The following CSMD3 variants were observed in gnomAD, a reference collection of about 807,000 sequenced individuals.
CSMD3 encodes the protein CUB and Sushi multiple domains 3, also known as CUB and sushi domain-containing protein 3.
A neutral mutation model predicts 435.2 loss-of-function variants in CSMD3; 177 were observed. That is an observed-to-expected ratio of 0.41 (90% CI 0.36 to 0.46). The LOEUF (loss-of-function observed/expected upper bound fraction) is 0.46, where lower values mean the gene tolerates loss of function less well. Among genes scored for constraint, CSMD3 ranks in the 20% least tolerant of loss-of-function variants. The pLI is 0.34. For missense variants in CSMD3, 4,265 were observed against 4,504.6 expected (o/e 0.95, Z 1.52); for synonymous variants, 1,656 against 1,520.5 (o/e 1.09, Z -2.07).
rs2130159963 is a variant in CSMD3 at position 113,436,870 on chromosome 8, C to G, written c.-16G>C. ...TCCCTTTCATATTATTCGCGAGCTC[C>G]TAATTCCTGCTCCTCAGCCCGGCGC... is the stretch of plus-strand genomic sequence containing the variant. On this transcript the variant is annotated 5_prime_UTR_variant, in exon 1 of 71. Coordinates refer to ENST00000297405, the MANE Select transcript of CSMD3 (RefSeq NM_198123.2). 6.2e-7 allele frequency: 1 copy of G among 1,613,530 alleles called. No homozygotes were observed. The highest frequency in any genetic ancestry group is 8.5e-7 in the Non-Finnish European group (1 of 1,180,008).
intron 13 of CSMD3, among the ~76,000 whole-genome samples, chr8:112,748,662 A>C (rs2077496091): frequency 6.6e-6 from 1 of 152,176 alleles, no homozygotes; most frequent in Non-Finnish European, 1.5e-5. Flanking sequence ...TTCACACAAA[A>C]TATATGATGC....
intron 4 of CSMD3, among the ~76,000 whole-genome samples, chr8:113,147,797 C>A (rs907723156): frequency 2.6e-5 from 4 of 151,650 alleles, no homozygotes; most frequent in Non-Finnish European, 5.9e-5. Flanking sequence ...CTTGATAAGG[C>A]CTTACCATTC....
chr8:112,235,078 C>T lies in CSMD3; in HGVS notation c.10628-601G>A, dbSNP rs1354937009. ...AAGGAATAGTTATCAAGGAAAAGCACTGGAGGGCCAAGCATGGTGGCTCAT... is the reference window on the plus strand; with the variant it reads ...AAGGAATAGTTATCAAGGAAAAGCATTGGAGGGCCAAGCATGGTGGCTCAT... On this transcript the variant is annotated intron_variant, in intron 67 of 70. Transcript: ENST00000297405. Among the ~76,000 whole-genome samples the T allele has an allele frequency of 2.0e-5, 3 of 152,190 alleles. No homozygotes were observed. The East Asian group carries it at 5.8e-4, about 29-fold the overall frequency.
At chr8:113,183,849 G>A (rs771400743) in intron 3 of CSMD3, among the ~76,000 whole-genome samples, 8 of 151,894 alleles carry the variant, frequency 5.3e-5, no homozygotes, top group Admixed American at 1.3e-4. Flanking sequence ...CCTCTACTCC[G>A]ACACTAAAAC....
intron 28 of CSMD3, among the ~76,000 whole-genome samples, chr8:112,508,289 C>G (rs1232553699): frequency 6.6e-6 from 1 of 151,952 alleles, no homozygotes; most frequent in Non-Finnish European, 1.5e-5. Context: ...AAGGAAACAC[C>G]CTGCCCCATA....
rs186613045 is a variant in CSMD3 at position 112,369,287 on chromosome 8, T to C, written c.6136+11065A>G. On this transcript the variant is annotated intron_variant, in intron 38 of 70. Transcript: ENST00000297405. Reference sequence around the variant, plus strand: ...TTATTTAAAAATATAAACTTTTAGATTTGTTTAATGCTTGAAAGGAATAAA... The same window carrying C: ...TTATTTAAAAATATAAACTTTTAGACTTGTTTAATGCTTGAAAGGAATAAA... Among the ~76,000 whole-genome samples the C allele has an allele frequency of 1.5e-3, 233 of 152,232 alleles. 1 individual carries two copies. Among genetic ancestry groups the C allele is most frequent in the African/African-American group, 5.4e-3 (225 of 41,574 alleles).
chr8:112,484,220 T>C (rs1487086333), intron 31 of CSMD3, among the ~76,000 whole-genome samples: 1 of 152,134 alleles, frequency 6.6e-6, no homozygotes, highest in African/African-American at 2.4e-5. Context: ...TAACCGAATT[T>C]TTTTCTAACT....
At chr8:113,215,642 C>T (rs1247151504) in intron 3 of CSMD3, among the ~76,000 whole-genome samples, 1 of 151,838 alleles carries the variant, frequency 6.6e-6, no homozygotes, top group Admixed American at 6.6e-5. Context: ...GAATCAATTT[C>T]ACACTAAAAT....
chr8:112,575,404 A>C (rs1829859747), intron 23 of CSMD3, among the ~76,000 whole-genome samples: 1 of 152,012 alleles, frequency 6.6e-6, no homozygotes, highest in Admixed American at 6.6e-5. Flanking sequence ...TGAGAATCTT[A>C]AGTTCAAGGC....
At chr8:112,788,288 T>C (rs180921027) in intron 13 of CSMD3, among the ~76,000 whole-genome samples, 5 of 152,198 alleles carry the variant, frequency 3.3e-5, no homozygotes, top group Admixed American at 3.3e-4. Flanking sequence ...TATACATGCC[T>C]TTTACACCAA....
intron 4 of CSMD3, among the ~76,000 whole-genome samples, chr8:113,112,428 T>TACATATATATACATATATATAC (rs2090678840): frequency 6.9e-5 from 1 of 14,412 alleles, no homozygotes; most frequent in Non-Finnish European, 1.2e-4. Flanking sequence ...TATATATATA[T>TACATATATATACATATATATAC]ATATATATAT....
intron 3 of CSMD3, among the ~76,000 whole-genome samples, chr8:113,223,666 G>T (rs1029038889): frequency 2.0e-5 from 3 of 149,014 alleles, no homozygotes; most frequent in Middle Eastern, 3.5e-3. Flanking sequence ...AACATTTAGT[G>T]TCTGTGGTTT....
intron 13 of CSMD3, among the ~76,000 whole-genome samples, chr8:112,716,059 T>C (rs990545329): frequency 1.3e-5 from 2 of 152,160 alleles, no homozygotes; most frequent in African/African-American, 2.4e-5. Context: ...AGCATAGTAT[T>C]GGAAGATTTG....
intron 27 of CSMD3, among the ~76,000 whole-genome samples, chr8:112,537,148 A>G (rs1286742690): frequency 1.3e-5 from 2 of 152,056 alleles, no homozygotes; most frequent in African/African-American, 4.8e-5. Context: ...GTGCACATGT[A>G]CCCTAAAACT....
intron 16 of CSMD3, among the ~76,000 whole-genome samples, chr8:112,667,302 G>A (rs940108799): frequency 1.3e-5 from 2 of 152,006 alleles, no homozygotes; most frequent in East Asian, 1.9e-4. Flanking sequence ...AAATGAAACC[G>A]CCATCTGTCC....
chr8:112,652,699 A>G (rs778635996), intron 18 of CSMD3, among the ~76,000 whole-genome samples: 25 of 152,240 alleles, frequency 1.6e-4, no homozygotes, highest in Non-Finnish European at 3.5e-4. Flanking sequence ...ATGCAAGGCA[A>G]TGGAAATGTT....
intron 47 of CSMD3, among the ~76,000 whole-genome samples, chr8:112,316,803 A>G (rs1024172203): frequency 6.6e-6 from 1 of 151,942 alleles, no homozygotes; most frequent in Non-Finnish European, 1.5e-5. Flanking sequence ...ATTTACAACA[A>G]ACTCTTTACA....
chr8:112,946,541 G>A (rs1564135090), intron 9 of CSMD3, among the ~76,000 whole-genome samples: 1 of 151,614 alleles, frequency 6.6e-6, no homozygotes. Context: ...GGATAAAATA[G>A]TAAGTGCTTA....
At chr8:112,288,722 C>T (rs1209532449) in intron 57 of CSMD3, among the ~76,000 whole-genome samples, 5 of 151,896 alleles carry the variant, frequency 3.3e-5, no homozygotes, top group Admixed American at 6.6e-5. Context: ...AAAGTGGTAA[C>T]TTAAACGTTT....
Sources: allele counts gnomAD v4.1 joint callset (sites outside exome capture counted in the v4.1 genomes callset), GRCh38; gene constraint gnomAD v4.1.1; transcripts MANE v1.5; gene names NCBI Gene and HGNC (gene_info 2026-07-23, HGNC 2026-07-21).